The following TMPRSS9 variants were observed in gnomAD, a reference collection of about 807,000 sequenced individuals.
TMPRSS9 encodes transmembrane serine protease 9.
A neutral mutation model predicts 111.4 loss-of-function variants in TMPRSS9; 113 were observed. The ratio of observed to expected loss-of-function variants is 1.01; its 90% CI spans 0.87 to 1.19. The LOEUF is 1.19. Ranked by LOEUF, TMPRSS9 falls within the 50% of genes most tolerant of loss-of-function variation. The pLI is 0.00. For missense variants in TMPRSS9, 1,803 were observed against 1,513.1 expected (o/e 1.19, Z -3.18); for synonymous variants, 805 against 659.1 (o/e 1.22, Z -3.39).
At chr19:2,373,186 C>T (rs957817292) in intron 1 of TMPRSS9, among the ~76,000 whole-genome samples, 2 of 151,910 alleles carry the variant, frequency 1.3e-5, no homozygotes, top group African/African-American at 4.8e-5. Context: ...GTAATTCACC[C>T]AGGATGAATC....
chr19:2,398,738 G>A, intron 2 of TMPRSS9, 57 bp from the exon 4 acceptor site: 3 of 1,274,378 alleles, frequency 2.4e-6, no homozygotes, highest in South Asian at 1.3e-5. Flanking sequence ...GGCCTCTGCA[G>A]TGCCAGGGTG....
At chr19:2,363,720 G>A (rs543930174) in intron 1 of TMPRSS9, among the ~76,000 whole-genome samples, 18 of 151,728 alleles carry the variant, frequency 1.2e-4, no homozygotes, top group African/African-American at 2.2e-4. Context: ...CAGGGTTCTC[G>A]GGGAGCATAA....
At chr19:2,405,225 C>T (rs1970943840) in intron 6 of TMPRSS9, 149 bp from the exon 8 acceptor site, 1 of 965,894 alleles carries the variant, frequency 1.0e-6, no homozygotes, top group Non-Finnish European at 1.5e-6. Context: ...GGGGAGACCC[C>T]AGAAGAGTCA....
At chr19:2,420,373 C>T (rs555524410) in intron 13 of TMPRSS9, among the ~76,000 whole-genome samples, 166 of 144,276 alleles carry the variant, frequency 1.2e-3, no homozygotes, top group African/African-American at 3.7e-3. Context: ...GCCCAGGAGG[C>T]GGAGGTCACA....
chr19:2,413,805 G>A (rs1160409242), exon 10 of TMPRSS9: 2 of 1,613,712 alleles, frequency 1.2e-6, no homozygotes, highest in African/African-American at 1.3e-5. Flanking sequence ...GCGTCCAGGG[G>A]TCTATGCCCG....
At chr19:2,366,098 T>C (rs1970246478) in intron 1 of TMPRSS9, among the ~76,000 whole-genome samples, 1 of 152,184 alleles carries the variant, frequency 6.6e-6, no homozygotes, top group Non-Finnish European at 1.5e-5. Flanking sequence ...ACCCCCTGAA[T>C]TTCTCCTTGG....
intron 4 of TMPRSS9, among the ~76,000 whole-genome samples, chr19:2,399,547 G>C (rs1970785336): frequency 6.6e-6 from 1 of 152,098 alleles, no homozygotes; most frequent in Non-Finnish European, 1.5e-5. Flanking sequence ...TTGCACTCCA[G>C]CCTGGGCAAA....
chr19:2,369,676 C>T (rs67845727), intron 1 of TMPRSS9, among the ~76,000 whole-genome samples: 3 of 148,438 alleles, frequency 2.0e-5, no homozygotes, highest in African/African-American at 7.5e-5. Flanking sequence ...TGGGCTCAAG[C>T]GATCCTCCTG....
At chr19:2,388,176 G>A (rs1970514822), upstream of TMPRSS9, among the ~76,000 whole-genome samples, 1 of 152,166 alleles carries the variant, frequency 6.6e-6, no homozygotes, top group African/African-American at 2.4e-5. Flanking sequence ...AGGATCGCGT[G>A]AGGTCAGGAG....
intron 1 of TMPRSS9, among the ~76,000 whole-genome samples, chr19:2,366,747 C>T (rs975174373): frequency 4.6e-5 from 7 of 150,950 alleles, no homozygotes; most frequent in Admixed American, 2.7e-4. Context: ...GTCCCAGCTA[C>T]TCAGGAGGCG....
chr19:2,381,624 C>T (rs1039081661), intron 1 of TMPRSS9, among the ~76,000 whole-genome samples: 4 of 151,862 alleles, frequency 2.6e-5, no homozygotes, highest in Non-Finnish European at 4.4e-5. Context: ...CCATGCCGCC[C>T]CTGCCTCACT....
intron 9 of TMPRSS9, among the ~76,000 whole-genome samples, chr19:2,411,798 C>G (rs750030831): frequency 6.6e-6 from 1 of 152,160 alleles, no homozygotes; most frequent in East Asian, 1.9e-4. Flanking sequence ...GTGATCTGCC[C>G]ACCTTGTCCT....
intron 1 of TMPRSS9, among the ~76,000 whole-genome samples, chr19:2,372,076 C>G (rs1449889827): frequency 6.6e-6 from 1 of 152,136 alleles, no homozygotes; most frequent in Non-Finnish European, 1.5e-5. Flanking sequence ...AGGCTGGTCT[C>G]AAACTCTTGA....
intron 1 of TMPRSS9, among the ~76,000 whole-genome samples, chr19:2,368,954 CT>C (rs35992012): frequency 0.045 from 6,156 of 135,996 alleles, 137 homozygotes; most frequent in African/African-American, 0.054. Flanking sequence ...CCGGCTAATT[CT>C]TTTTTTTTTT....
intron 4 of TMPRSS9, among the ~76,000 whole-genome samples, chr19:2,401,144 G>A (rs184565329): frequency 0.01 from 1,567 of 152,074 alleles, 27 homozygotes; most frequent in African/African-American, 0.032. Context: ...CGTGGTGGCG[G>A]GCGCCTGTAG....
At chr19:2,408,072 G>A (rs139021488) in intron 7 of TMPRSS9, among the ~76,000 whole-genome samples, 29,172 of 150,674 alleles carry the variant, frequency 0.19, 3,044 homozygotes, top group African/African-American at 0.26. Flanking sequence ...ATGAGCCACC[G>A]CACCTGGCCT....
At chr19:2,391,012 C>CAAGAAAGA (rs202241101) in intron 1 of TMPRSS9, among the ~76,000 whole-genome samples, 1,659 of 124,966 alleles carry the variant, frequency 0.013, 30 homozygotes, top group Middle Eastern at 0.04. Flanking sequence ...ACTAAAAATA[C>CAAGAAAGA]AAGAAAGAAA....
chr19:2,411,151 T>C (rs1971085584), intron 9 of TMPRSS9, among the ~76,000 whole-genome samples: 1 of 151,204 alleles, frequency 6.6e-6, no homozygotes, highest in Admixed American at 6.6e-5. Context: ...AATACAAAAA[T>C]TAGCCTGGCG....
chr19:2,366,087 A>T (rs2145239208), intron 1 of TMPRSS9, among the ~76,000 whole-genome samples: 1 of 152,302 alleles, frequency 6.6e-6, no homozygotes, highest in South Asian at 2.1e-4. Context: ...AAAAAAAGGG[A>T]ACCCCCTGAA....
Sources: gnomAD v4.1 joint callset for allele counts (sites outside exome capture counted in the v4.1 genomes callset) on GRCh38, gnomAD v4.1.1 for gene constraint, MANE v1.5 for transcripts, NCBI Gene and HGNC (gene_info 2026-07-23, HGNC 2026-07-21) for gene names.